The following ZNF804A variants were observed in gnomAD, a reference collection of about 807,000 sequenced individuals.
ZNF804A encodes zinc finger protein 804A.
Under a neutral mutation model 16.5 loss-of-function variants are expected in ZNF804A, and 2 were observed. The observed-to-expected ratio is 0.12, with a 90% CI of 0.05 to 0.38. The LOEUF is 0.38. Ranked by LOEUF, ZNF804A falls within the 10% of genes least tolerant of loss-of-function variation. ZNF804A has a pLI of 0.99. For missense variants in ZNF804A, 1,473 were observed against 1,390.7 expected (o/e 1.06, Z -0.94); for synonymous variants, 534 against 489.6 (o/e 1.09, Z -1.20).
intron 1 of ZNF804A, among the ~76,000 whole-genome samples, chr2:184,731,402 T>G (rs1693517268): frequency 6.6e-6 from 1 of 151,898 alleles, no homozygotes; most frequent in African/African-American, 2.4e-5. Context: ...TTTGGTGTTG[T>G]CAGTGTTCTG....
chr2:184,903,335 T>G (rs1045434827), intron 2 of ZNF804A, among the ~76,000 whole-genome samples: 1 of 152,138 alleles, frequency 6.6e-6, no homozygotes, highest in Admixed American at 6.6e-5. Context: ...AACTGTATTT[T>G]TACTGTACCG....
chr2:184,735,953 T>A (rs1375688595), intron 1 of ZNF804A, among the ~76,000 whole-genome samples: 2 of 152,180 alleles, frequency 1.3e-5, no homozygotes, highest in African/African-American at 2.4e-5. Flanking sequence ...AGTAGATGAT[T>A]TATTTTTATA....
chr2:184,624,490 A>G (rs1159356339), intron 1 of ZNF804A, among the ~76,000 whole-genome samples: 2 of 152,162 alleles, frequency 1.3e-5, no homozygotes, highest in African/African-American at 4.8e-5. Flanking sequence ...CATTTTTCAG[A>G]GCACTAGCAA....
At chr2:184,673,516 C>G (rs1445993373) in intron 1 of ZNF804A, among the ~76,000 whole-genome samples, 1 of 152,152 alleles carries the variant, frequency 6.6e-6, no homozygotes, top group Non-Finnish European at 1.5e-5. Flanking sequence ...TTGTCCAAGG[C>G]CTGTGAGATT....
chr2:184,788,414 G>A (rs556977554), intron 1 of ZNF804A, among the ~76,000 whole-genome samples: 1 of 151,910 alleles, frequency 6.6e-6, no homozygotes, highest in South Asian at 2.1e-4. Flanking sequence ...TGTTAATCTA[G>A]ATTACTTCGG....
At chr2:184,764,969 T>A (rs963371099) in intron 1 of ZNF804A, among the ~76,000 whole-genome samples, 1 of 152,148 alleles carries the variant, frequency 6.6e-6, no homozygotes, top group Non-Finnish European at 1.5e-5. Flanking sequence ...AAAAAAACTA[T>A]TTTTTTAAAA....
At chr2:184,821,946 G>A (rs1034918766) in intron 1 of ZNF804A, among the ~76,000 whole-genome samples, 2 of 152,068 alleles carry the variant, frequency 1.3e-5, no homozygotes, top group South Asian at 2.1e-4. Context: ...AAAAAGAAAC[G>A]CTTTTACACT....
At chr2:184,911,984 A>T (rs1685366656) in intron 2 of ZNF804A, among the ~76,000 whole-genome samples, 1 of 152,016 alleles carries the variant, frequency 6.6e-6, no homozygotes, top group South Asian at 2.1e-4. Flanking sequence ...AAAGATGAGA[A>T]AATCAAAGCA....
chr2:184,620,572 T>C (rs939774149), intron 1 of ZNF804A, among the ~76,000 whole-genome samples: 1 of 151,772 alleles, frequency 6.6e-6, no homozygotes, highest in Non-Finnish European at 1.5e-5. Flanking sequence ...GATTCTCCCT[T>C]TATGAAACCT....
At chr2:184,899,446 C>T (rs1318942364) in intron 2 of ZNF804A, among the ~76,000 whole-genome samples, 1 of 151,910 alleles carries the variant, frequency 6.6e-6, no homozygotes, top group Non-Finnish European at 1.5e-5. Flanking sequence ...TAGTCACACT[C>T]GTTTTTCAAA....
At chr2:184,685,127 C>T (rs1692606978) in intron 1 of ZNF804A, among the ~76,000 whole-genome samples, 1 of 152,084 alleles carries the variant, frequency 6.6e-6, no homozygotes, top group South Asian at 2.1e-4. Context: ...TGCACACAGC[C>T]AGGCACGCTG....
chr2:184,905,221 T>C (rs1327580519), intron 2 of ZNF804A, among the ~76,000 whole-genome samples: 1 of 152,100 alleles, frequency 6.6e-6, no homozygotes, highest in Non-Finnish European at 1.5e-5. Flanking sequence ...AAAGACACTA[T>C]CCCTGCTGTC....
rs1187819104 is a variant in ZNF804A at position 184,936,908 on chromosome 2, T to C, written c.1512T>C (p.Ser504=). ...CACTTTCAGATTACAAGGATGTATC[T>C]ACAGAAGGACTCACTGATTATGAAA... is the stretch of plus-strand genomic sequence containing the variant. The part of the protein sequence containing the change: ...MGPLSDYKDV[S]TEGLTDYEIG... The change falls in exon 4 of 4, where the codon TCT becomes TCC. Residue 504 remains serine (S), a synonymous_variant. Transcript: ENST00000302277. 2.5e-6 allele frequency: 4 copies of C among 1,613,946 alleles called. No homozygotes were observed. Among genetic ancestry groups the C allele is most frequent in the Non-Finnish European group, 2.5e-6 (3 of 1,179,916 alleles).
intron 1 of ZNF804A, among the ~76,000 whole-genome samples, chr2:184,800,994 C>T (rs1433503937): frequency 4.0e-5 from 6 of 151,726 alleles, no homozygotes; most frequent in African/African-American, 1.2e-4. Context: ...TTAATATTTC[C>T]TGCAGTACAA....
In ZNF804A at chr2:184,820,242, G is replaced by A. The variant is rs1365101137; in HGVS notation, c.112-46127G>A. Among the ~76,000 whole-genome samples, 5 of 152,026 alleles carry A rather than the reference G, an allele frequency of 3.3e-5. No homozygotes were observed. In the South Asian group the frequency reaches 8.3e-4, roughly 25 times the overall value. Reference sequence around the variant, plus strand: ...GCACGATCAAGTTGGCTTCATCCCTGGGATACAAGGTTGGTTCAACATACG... The same window carrying A: ...GCACGATCAAGTTGGCTTCATCCCTAGGATACAAGGTTGGTTCAACATACG... On this transcript the variant is annotated intron_variant, in intron 1 of 3. Coordinates refer to ENST00000302277, the MANE Select transcript of ZNF804A (RefSeq NM_194250.2).
At chr2:184,718,169 T>A (rs534940240) in intron 1 of ZNF804A, among the ~76,000 whole-genome samples, 1 of 152,024 alleles carries the variant, frequency 6.6e-6, no homozygotes, top group Non-Finnish European at 1.5e-5. Context: ...GAGAAGAGGA[T>A]TTGTGCTGGG....
intron 1 of ZNF804A, among the ~76,000 whole-genome samples, chr2:184,622,690 A>T (rs1338076145): frequency 6.6e-6 from 1 of 151,968 alleles, no homozygotes; most frequent in East Asian, 1.9e-4. Context: ...ATGTATAAAA[A>T]CAATACAACA....
At chr2:184,742,768 C>T (rs1018776345) in intron 1 of ZNF804A, among the ~76,000 whole-genome samples, 1 of 151,170 alleles carries the variant, frequency 6.6e-6, no homozygotes, top group Non-Finnish European at 1.5e-5. Flanking sequence ...GTTCTAAATG[C>T]TATTTATGTG....
intron 1 of ZNF804A, among the ~76,000 whole-genome samples, chr2:184,676,512 G>C (rs1692438620): frequency 1.3e-5 from 2 of 151,330 alleles, no homozygotes; most frequent in African/African-American, 4.8e-5. Context: ...AATAAAGACT[G>C]AACAAATTGA....
Sources: allele counts gnomAD v4.1 joint callset (sites outside exome capture counted in the v4.1 genomes callset), GRCh38; gene constraint gnomAD v4.1.1; transcripts MANE v1.5; gene names NCBI Gene and HGNC (gene_info 2026-07-23, HGNC 2026-07-21).